The following ADGRD2 variants were observed in gnomAD, a reference collection of about 807,000 sequenced individuals.
ADGRD2 encodes G protein-coupled receptor PGR24.
Under a neutral mutation model 44.4 loss-of-function variants are expected in ADGRD2, and 71 were observed. The observed-to-expected ratio is 1.60, with a 90% confidence interval of 1.32 to 1.95. The LOEUF is 1.95. Among genes scored for constraint, ADGRD2 ranks in the 30% most tolerant of loss-of-function variants. ADGRD2 has a pLI of 0.00. For synonymous variants in ADGRD2, 481 were observed against 224.8 expected, an observed-to-expected ratio of 2.14 and a Z score of -10.19; for missense variants, 1,039 against 512.4, an observed-to-expected ratio of 2.03 and a Z score of -9.92.
exon 17 of ADGRD2, chr9:124,470,582 G>T: frequency 2.8e-6 from 2 of 708,542 alleles, no homozygotes. Context: ...CCCCGCCTGG[G>T]CCTACGCTGC....
Position 124,453,296 on chromosome 9 carries a change from C to CA in ADGRD2, c.544dup (p.Ala183SerfsTer142). 1 of 487,216 alleles carries CA rather than the reference C, an allele frequency of 2.1e-6. No individual in the cohort carries two copies. The highest frequency in any genetic ancestry group is 3.3e-5 in the South Asian group (1 of 30,182). The allele number at this position is 487,216 out of a possible 1,614,324, so 30.2% of individuals were successfully genotyped here. ...CGTGGGCAGCACGCGCCCTTCCTCG[C>CA]AGCCTTCCGCGCCGACGGCCGCTGG... On this transcript the variant is annotated frameshift_variant, in exon 3 of 22. Coordinates refer to ENST00000334810, the Ensembl canonical transcript of ADGRD2. LOFTEE classifies it high-confidence loss of function.
At chr9:124,453,710 GCCCCGAAT>G (rs1831555042) in intron 3 of ADGRD2, 34 bp downstream of exon 6, 1 of 657,246 alleles carries the variant, frequency 1.5e-6, no homozygotes, top group Admixed American at 2.2e-5. Flanking sequence ...CCACCCCATG[GCCCCGAAT>G]CCTTCCCTTC....
chr9:124,458,339 G>T, intron 9 of ADGRD2, 103 bp downstream of exon 12: 1 of 654,682 alleles, frequency 1.5e-6, no homozygotes, highest in Non-Finnish European at 2.8e-6. Flanking sequence ...GCAGCCCAGG[G>T]CCCACCCTTT....
chr9:124,460,578 G>T (rs1297147705), intron 10 of ADGRD2, among the ~76,000 whole-genome samples: 1 of 150,724 alleles, frequency 6.6e-6, no homozygotes, highest in East Asian at 1.9e-4. Context: ...GTTGAGGCCT[G>T]GCTTTTGCTC....
At chr9:124,471,716 T>G (rs889362899) in intron 17 of ADGRD2, among the ~76,000 whole-genome samples, 9 of 152,186 alleles carry the variant, frequency 5.9e-5, no homozygotes, top group Non-Finnish European at 5.9e-5. Context: ...TGGACCCAGT[T>G]ACTCATTCAT....
At chr9:124,457,049 C>T (rs377379957) in intron 7 of ADGRD2, among the ~76,000 whole-genome samples, 6 of 152,310 alleles carry the variant, frequency 3.9e-5, no homozygotes, top group African/African-American at 1.4e-4. Flanking sequence ...CTGGTAATTA[C>T]ATAATGGAAT....
intron 8 of ADGRD2, among the ~76,000 whole-genome samples, chr9:124,457,863 G>A (rs144873120): frequency 6.6e-6 from 1 of 152,340 alleles, no homozygotes; most frequent in African/African-American, 2.4e-5. Context: ...TATGCTTGAT[G>A]CCATGCAGGG....
At chr9:124,452,798 A>G (rs1420459903) in intron 2 of ADGRD2, 76 bp downstream of exon 5, 2 of 662,988 alleles carry the variant, frequency 3.0e-6, no homozygotes, top group African/African-American at 3.6e-5. Flanking sequence ...GCCCACAGTG[A>G]CAATATTTGC....
At chr9:124,475,653 G>A in intron 19 of ADGRD2, 38 bp downstream of exon 22, 1 of 611,752 alleles carries the variant, frequency 1.6e-6, no homozygotes, top group East Asian at 3.0e-5. Context: ...GGGGCGGGAG[G>A]CCCCCAGAGC....
exon 1 of ADGRD2, chr9:124,452,145 T>C: frequency 1.4e-6 from 1 of 717,454 alleles, no homozygotes; most frequent in African/African-American, 1.7e-5. Flanking sequence ...AAGGAACCCT[T>C]GGGCCCCAGG....
chr9:124,468,730 C>T, intron 14 of ADGRD2, 58 bp downstream of exon 17: 1 of 663,398 alleles, frequency 1.5e-6, no homozygotes, highest in Non-Finnish European at 2.8e-6. Flanking sequence ...GCACGGCCGA[C>T]CCTGCCATCT....
rs1831571697 is a variant in ADGRD2, at chr9:124,454,343, T to C, written c.1023-141T>C. ...CTCAGTTTCCCCATCTAGAACACCG[T>C]GTGTAAGACTCTGGACACACAGCCA... On this transcript the variant is annotated intron_variant, in intron 4 of 21. Coordinates refer to ENST00000334810, the Ensembl canonical transcript of ADGRD2. The surrounding 1 kb of genome is among the most constrained non-coding windows in gnomAD (Gnocchi z 4.5). The C allele has an allele frequency of 3.3e-6, 2 of 601,566 alleles. No homozygotes were observed. Among genetic ancestry groups the C allele is most frequent in the African/African-American group, 3.7e-5 (2 of 54,110 alleles). The allele number at this position is 601,566 out of a possible 1,614,324, so 37.3% of individuals were successfully genotyped here.
At chr9:124,452,461 T>A (rs1204430563) in intron 1 of ADGRD2, 49 bp from the exon 5 acceptor site, 1 of 717,308 alleles carries the variant, frequency 1.4e-6, no homozygotes. Context: ...CCTGGAAGAG[T>A]CAGATGCCCA....
chr9:124,468,301 T>A (rs1435521566), intron 13 of ADGRD2, 111 bp downstream of exon 16: 1 of 696,114 alleles, frequency 1.4e-6, no homozygotes, highest in Non-Finnish European at 2.6e-6. Flanking sequence ...TCCACTTCCC[T>A]GGGGAGGAGC....
At chr9:124,472,492 TTTTTGTTTTG>T (rs140440396) in intron 17 of ADGRD2, among the ~76,000 whole-genome samples, 2,383 of 150,314 alleles carry the variant, frequency 0.016, 67 homozygotes, top group African/African-American at 0.054. Flanking sequence ...TTTGTTTTTG[TTTTTGTTTTG>T]TTTTGTTTTG....
exon 10 of ADGRD2, chr9:124,458,690 C>T: frequency 1.4e-6 from 1 of 718,632 alleles, no homozygotes; most frequent in Non-Finnish European, 2.6e-6. Context: ...GTCAACGTGG[C>T]CATGACCTTT....
intron 6 of ADGRD2, 41 bp from the exon 10 acceptor site, chr9:124,456,581 T>C (rs1367565144): frequency 9.8e-6 from 7 of 716,682 alleles, no homozygotes; most frequent in Non-Finnish European, 1.8e-5. Context: ...GGCAGTGGGG[T>C]GCAGAGTGTG....
intron 16 of ADGRD2, among the ~76,000 whole-genome samples, chr9:124,469,841 G>A (rs529744792): frequency 6.6e-6 from 1 of 152,240 alleles, no homozygotes; most frequent in East Asian, 1.9e-4. Flanking sequence ...GGAGTGCACT[G>A]TCTGCGGCAG....
intron 10 of ADGRD2, among the ~76,000 whole-genome samples, chr9:124,460,374 G>GTATATATATA (rs3050260): frequency 2.5e-5 from 2 of 80,272 alleles, no homozygotes; most frequent in South Asian, 4.5e-4. Context: ...AGCTAATTTT[G>GTATATATATA]TATATATATA....
Sources: gnomAD v4.1 joint callset for allele counts (sites outside exome capture counted in the v4.1 genomes callset) on GRCh38, gnomAD v4.1.1 for gene constraint, Gnocchi (gnomAD v3.1) non-coding constraint, MANE v1.5 for transcripts, NCBI Gene and HGNC (gene_info 2026-07-23, HGNC 2026-07-21) for gene names.